EMID1: variants seen among roughly 807,000 people sequenced by gnomAD.
EMID1 encodes the protein EMI domain-containing protein 1.
EMID1 carries 40 observed loss-of-function variants against 60.6 expected under a neutral mutation model. The observed-to-expected ratio is 0.66, with a 90% CI of 0.51 to 0.86. EMID1 has a LOEUF of 0.86. EMID1 is among the 40% of genes least tolerant of loss of function. The probability of loss-of-function intolerance (pLI) is 0.00; values close to 1 mark genes in which losing one functional copy is unlikely to be tolerated. For synonymous variants in EMID1, 242 were observed against 231.0 expected, an observed-to-expected ratio of 1.05 and a Z score of -0.43; for missense variants, 585 against 597.1, an observed-to-expected ratio of 0.98 and a Z score of 0.21.
chr22:29,222,916 C>T (rs181727145), intron 3 of EMID1, among the ~76,000 whole-genome samples: 1 of 152,014 alleles, frequency 6.6e-6, no homozygotes, highest in Non-Finnish European at 1.5e-5. Flanking sequence ...ACGGTGAAAC[C>T]CCACCTCTAC....
At position 29,216,484 on chromosome 22, in the gene EMID1, G is replaced by A. The variant is rs16987273; in HGVS notation, c.319+854G>A. The stretch of plus-strand genomic sequence containing the variant: ...ATCCTGAGAACCAGGCCCAGAGACA[G>A]CTCAAGGGACAGAAGCATTCAGGGC... On this transcript the variant is annotated intron_variant, in intron 3 of 14. Coordinates refer to ENST00000334018, the MANE Select transcript of EMID1 (RefSeq NM_133455.4). 2,469 of 985,452 alleles carry A rather than the reference G, an allele frequency of 2.5e-3. 57 individuals are homozygous for A. In the African/African-American group the frequency reaches 0.041, roughly 16 times the overall value. The allele number at this position is 985,452 out of a possible 1,614,324, so 61.0% of individuals were successfully genotyped here.
intron 3 of EMID1, among the ~76,000 whole-genome samples, chr22:29,222,045 C>A (rs768719608): frequency 1.4e-4 from 22 of 152,186 alleles, no homozygotes; most frequent in Non-Finnish European, 2.6e-4. Context: ...GAATTTCCAA[C>A]CACAAGTTTA....
At chr22:29,223,732 A>G (rs1319366219) in intron 3 of EMID1, among the ~76,000 whole-genome samples, 1 of 151,970 alleles carries the variant, frequency 6.6e-6, no homozygotes, top group Non-Finnish European at 1.5e-5. Flanking sequence ...AGCATGGGTG[A>G]CAGAGAAGAG....
intron 3 of EMID1, 61 bp from the exon 4 acceptor site, chr22:29,225,072 C>A: frequency 3.8e-6 from 6 of 1,562,418 alleles, no homozygotes; most frequent in Non-Finnish European, 5.3e-6. Flanking sequence ...CAGTGGTGGG[C>A]AGGGGGGCCT....
chr22:29,229,155 A>G (rs988668009), intron 5 of EMID1, among the ~76,000 whole-genome samples: 4 of 151,960 alleles, frequency 2.6e-5, no homozygotes, highest in Non-Finnish European at 5.9e-5. Flanking sequence ...CAGCCTGGGC[A>G]ACATAGCAAG....
chr22:29,225,327 T>C, intron 4 of EMID1, 111 bp downstream of exon 4: 1 of 1,109,442 alleles, frequency 9.0e-7, no homozygotes, highest in South Asian at 1.4e-5. Flanking sequence ...CAGTGGAGGG[T>C]CAAGGACAGT....
intron 3 of EMID1, chr22:29,216,669 C>G (rs989873613): frequency 1.0e-6 from 1 of 985,112 alleles, no homozygotes; most frequent in Admixed American, 6.1e-5. Flanking sequence ...CTTCACCTCC[C>G]GGGGACCCTC....
rs756577843 is a variant in EMID1, at chr22:29,258,888, G to A, written c.1276G>A (p.Gly426Arg). ...CAGCCTCCTTCGGGGCAAGAGGGGC[G>A]GACATGCAACCAACTACCGGATCGT... ...TPSLLRGKRG[G>R]HATNYRIVAP... Residue 426 changes from glycine (G) to arginine (R), a missense_variant, in exon 15 of 15, where the codon GGA (glycine) becomes AGA (arginine). Transcript: ENST00000334018. 2.2e-5 allele frequency: 36 copies of A among 1,613,182 alleles called. No homozygotes were observed. The highest frequency in any genetic ancestry group is 4.4e-5 in the South Asian group (4 of 91,076).
intron 12 of EMID1, 96 bp downstream of exon 12, chr22:29,234,445 C>A: frequency 2.2e-6 from 3 of 1,393,570 alleles, no homozygotes; most frequent in Admixed American, 2.1e-5. Flanking sequence ...AGCTTCTAAC[C>A]CTCCCTGTCT....
intron 12 of EMID1, among the ~76,000 whole-genome samples, chr22:29,234,744 T>G (rs905744107): frequency 6.6e-6 from 1 of 152,248 alleles, no homozygotes; most frequent in African/African-American, 2.4e-5. Flanking sequence ...TCATTTTATC[T>G]TTATGAAATT....
In EMID1 at chr22:29,231,158, A is replaced by G. The variant is rs1258102753; in HGVS notation, c.586+18A>G. The G allele has an allele frequency of 3.5e-5, 56 of 1,582,888 alleles. No individual in the cohort carries two copies. The highest frequency in any genetic ancestry group is 4.8e-5 in the Non-Finnish European group (56 of 1,166,764). ...CCTCCAGGGTGAGTGTCAGACTCAG[A>G]CTCCCCTGTGGGAATGAGCAGTGGG... On this transcript the variant is annotated intron_variant, in intron 6 of 14. Coordinates refer to ENST00000334018, the MANE Select transcript of EMID1 (RefSeq NM_133455.4).
chr22:29,231,875 AT>A, intron 7 of EMID1, 193 bp downstream of exon 7: 1 of 575,400 alleles, frequency 1.7e-6, no homozygotes, highest in Non-Finnish European at 3.0e-6. Context: ...ACTGACCCAC[AT>A]TCCCTGGGCA....
chr22:29,230,936 C>G, intron 5 of EMID1, 84 bp from the exon 6 acceptor site: 4 of 1,521,658 alleles, frequency 2.6e-6, no homozygotes. Context: ...GCCTGGGCAA[C>G]AGAGCAAAAC....
At chr22:29,224,862 G>A (rs1206628195) in intron 3 of EMID1, among the ~76,000 whole-genome samples, 1 of 152,176 alleles carries the variant, frequency 6.6e-6, no homozygotes, top group Non-Finnish European at 1.5e-5. Flanking sequence ...CTTAGCCCAT[G>A]AGGCTGGTTG....
Position 29,206,024 on chromosome 22 carries a change from G to A in EMID1, c.-15G>A. ...CGACCGCGAGGGGCCGCGCGCGGAG[G>A]GCGCCTGGTGCAGCATGGGCGGCCC... On this transcript the variant is annotated 5_prime_UTR_variant, in exon 1 of 15. Coordinates refer to ENST00000334018, the MANE Select transcript of EMID1 (RefSeq NM_133455.4). 1.6e-6 allele frequency: 2 copies of A among 1,217,782 alleles called. No homozygotes were observed. The highest frequency in any genetic ancestry group is 2.0e-6 in the Non-Finnish European group (2 of 978,872). 75.4% of individuals were successfully genotyped at this position (1,217,782 alleles called of 1,614,324 possible).
At chr22:29,236,105 T>C (rs1213658738) in intron 12 of EMID1, among the ~76,000 whole-genome samples, 1 of 152,146 alleles carries the variant, frequency 6.6e-6, no homozygotes, top group African/African-American at 2.4e-5. Flanking sequence ...TTTAAAGTGA[T>C]TATTGAGGCC....
At chr22:29,214,494 G>GTCC (rs1398292022) in intron 1 of EMID1, among the ~76,000 whole-genome samples, 5 of 152,136 alleles carry the variant, frequency 3.3e-5, no homozygotes, top group African/African-American at 1.2e-4. Context: ...ATGTAGGCAG[G>GTCC]TTTCCATTCT....
intron 12 of EMID1, among the ~76,000 whole-genome samples, chr22:29,240,199 T>C (rs1255832599): frequency 1.3e-5 from 2 of 152,168 alleles, no homozygotes; most frequent in Non-Finnish European, 2.9e-5. Flanking sequence ...TGTTTTTGTT[T>C]GGGGGTTGTT....
intron 3 of EMID1, chr22:29,216,485 C>T: frequency 1.0e-6 from 1 of 985,456 alleles, no homozygotes; most frequent in Non-Finnish European, 1.2e-6. Context: ...CCAGAGACAG[C>T]TCAAGGGACA....
Sources: allele counts gnomAD v4.1 joint callset (sites outside exome capture counted in the v4.1 genomes callset), GRCh38; gene constraint gnomAD v4.1.1; transcripts MANE v1.5; gene names NCBI Gene and HGNC (gene_info 2026-07-23, HGNC 2026-07-21).